ARHGAP28: variants seen among roughly 807,000 people sequenced by gnomAD.
ARHGAP28 encodes Rho GTPase activating protein 28, also known as rho GTPase-activating protein 28.
In ARHGAP28, 56 loss-of-function variants were observed where a neutral mutation model predicts 90.7. The ratio of observed to expected loss-of-function variants is 0.62; its 90% CI spans 0.50 to 0.77. The LOEUF (loss-of-function observed/expected upper bound fraction) is 0.77, where lower values mean the gene tolerates loss of function less well. Ranked by LOEUF, ARHGAP28 falls within the 30% of genes least tolerant of loss-of-function variation. The pLI, the probability that ARHGAP28 is intolerant of heterozygous loss-of-function variation, is 0.00. For missense variants in ARHGAP28, 869 were observed against 900.9 expected, an observed-to-expected ratio of 0.96 and a Z score of 0.45; for synonymous variants, 308 against 323.3, an observed-to-expected ratio of 0.95 and a Z score of 0.51.
At chr18:6,900,847 C>G (rs2057334628) in intron 16 of ARHGAP28, among the ~76,000 whole-genome samples, 1 of 152,148 alleles carries the variant, frequency 6.6e-6, no homozygotes, top group African/African-American at 2.4e-5. Context: ...TAAACCAAAT[C>G]TAAACCAAAA....
intron 12 of ARHGAP28, 102 bp from the exon 13 acceptor site, chr18:6,889,786 C>G: frequency 9.2e-7 from 1 of 1,083,150 alleles, no homozygotes; most frequent in Non-Finnish European, 1.4e-6. Flanking sequence ...ATACTTCTGA[C>G]AGTTCTCTGG....
intron 1 of ARHGAP28, among the ~76,000 whole-genome samples, chr18:6,801,974 G>A (rs893120936): frequency 6.6e-6 from 1 of 151,970 alleles, no homozygotes; most frequent in Admixed American, 6.6e-5. Flanking sequence ...CGAGATTCAT[G>A]GTTTAATTCC....
At chr18:6,741,371 G>T (rs2055975884) in intron 1 of ARHGAP28, among the ~76,000 whole-genome samples, 1 of 152,172 alleles carries the variant, frequency 6.6e-6, no homozygotes, top group Non-Finnish European at 1.5e-5. Context: ...TCTGAATTGT[G>T]CTGAGTTGCA....
intron 2 of ARHGAP28, among the ~76,000 whole-genome samples, chr18:6,827,876 G>A (rs1428671263): frequency 6.0e-5 from 9 of 151,146 alleles, no homozygotes; most frequent in African/African-American, 9.7e-5. Context: ...ATGGGCGGCC[G>A]GGAAGAGGCG....
In ARHGAP28 at chr18:6,887,229, A is replaced by T. The variant is rs760753313; in HGVS notation, c.1526A>T (p.Asp509Val). 6.2e-7 allele frequency: 1 copy of T among 1,614,064 alleles called. No homozygotes were observed. ...MVMALPDANR[D>V]AAQALMTFFN... ...ATGGCGCTGCCTGATGCCAACAGAG[A>T]TGCAGCTCAGGTACGTCGTGTCCAC... The change falls in exon 12 of 18, where the codon GAT becomes GTT. Residue 509 changes from aspartate (D) to valine (V), a missense_variant. Asp to Val is a radical substitution (Grantham distance 152). Coordinates refer to ENST00000383472, the MANE Select transcript of ARHGAP28 (RefSeq NM_001366230.1).
At chr18:6,857,042 T>C (rs559679717) in intron 4 of ARHGAP28, among the ~76,000 whole-genome samples, 1 of 152,336 alleles carries the variant, frequency 6.6e-6, no homozygotes, top group South Asian at 2.1e-4. Flanking sequence ...TTACAAATAA[T>C]GCTGCCCAGA....
At chr18:6,755,858 A>G (rs2056104942) in intron 1 of ARHGAP28, among the ~76,000 whole-genome samples, 1 of 152,238 alleles carries the variant, frequency 6.6e-6, no homozygotes, top group Non-Finnish European at 1.5e-5. Context: ...AATTAAATCA[A>G]TATATAGGTC....
At chr18:6,751,915 T>A (rs2143262706) in intron 1 of ARHGAP28, among the ~76,000 whole-genome samples, 1 of 152,248 alleles carries the variant, frequency 6.6e-6, no homozygotes, top group African/African-American at 2.4e-5. Context: ...TTTTCTATTA[T>A]AAGAAATAGC....
chr18:6,867,014 A>T (rs2057042847), intron 5 of ARHGAP28, among the ~76,000 whole-genome samples: 1 of 152,216 alleles, frequency 6.6e-6, no homozygotes, highest in Non-Finnish European at 1.5e-5. Flanking sequence ...CCGTATTGTT[A>T]CTTGTAGAGC....
intron 1 of ARHGAP28, chr18:6,730,216 C>CATATATAT (rs1555621909): frequency 9.5e-6 from 1 of 105,594 alleles, no homozygotes; most frequent in African/African-American, 5.9e-5. Context: ...GAGGATAAGT[C>CATATATAT]ATGTGTATAT....
chr18:6,869,848 C>G (rs2057069410), intron 6 of ARHGAP28, among the ~76,000 whole-genome samples: 2 of 152,130 alleles, frequency 1.3e-5, no homozygotes, highest in South Asian at 4.1e-4. Flanking sequence ...AACCAGATGA[C>G]AAGCTGAAAT....
intron 2 of ARHGAP28, chr18:6,836,169 T>C (rs539768358): frequency 1.8e-4 from 28 of 152,316 alleles, no homozygotes; most frequent in African/African-American, 6.3e-4. Flanking sequence ...TCAGGTGTGT[T>C]GGCCAGGTGA....
rs201470830 is a variant in ARHGAP28 at position 6,870,874 on chromosome 18, C to T, written c.954+142C>T. Reference sequence around the variant, plus strand: ...GGAGTGCAGTGGCGCGATCTCGGCTCACTGCAAGCTCTGCCTCCCGGGTTC... The same window carrying T: ...GGAGTGCAGTGGCGCGATCTCGGCTTACTGCAAGCTCTGCCTCCCGGGTTC... On this transcript the variant is annotated intron_variant, in intron 7 of 17. Transcript: ENST00000383472. 7.8e-3 allele frequency: 6,480 copies of T among 831,438 alleles called. 336 individuals are homozygous for T. In the East Asian group the frequency reaches 0.13, roughly 17 times the overall value. 51.5% of individuals were successfully genotyped at this position (831,438 alleles called of 1,614,324 possible). A position where few individuals can be genotyped will look rare whatever the true frequency, so the allele number is the denominator to read the frequency against.
chr18:6,840,661 C>T (rs2056800149), intron 3 of ARHGAP28, among the ~76,000 whole-genome samples: 1 of 152,108 alleles, frequency 6.6e-6, no homozygotes, highest in Non-Finnish European at 1.5e-5. Context: ...CTTCCGTCTG[C>T]CTTCCTCTCT....
At chr18:6,888,386 A>C (rs4798508) in intron 12 of ARHGAP28, among the ~76,000 whole-genome samples, 84,978 of 151,938 alleles carry the variant, frequency 0.56, 23,865 homozygotes, top group East Asian at 0.63. Context: ...GCCAGTAAAC[A>C]TAATGCTGAA....
At chr18:6,832,855 T>C (rs1200409540) in intron 2 of ARHGAP28, among the ~76,000 whole-genome samples, 1 of 152,078 alleles carries the variant, frequency 6.6e-6, no homozygotes, top group East Asian at 1.9e-4. Flanking sequence ...ATTGCTTTAA[T>C]TGGTGGTGTT....
At chr18:6,863,127 C>T (rs1237768287) in intron 5 of ARHGAP28, among the ~76,000 whole-genome samples, 2 of 151,814 alleles carry the variant, frequency 1.3e-5, no homozygotes, top group East Asian at 3.9e-4. Context: ...TCATTGTTTT[C>T]CCTTAGAGGA....
intron 4 of ARHGAP28, among the ~76,000 whole-genome samples, chr18:6,854,488 A>T (rs927436869): frequency 3.3e-5 from 5 of 152,000 alleles, no homozygotes; most frequent in Admixed American, 6.5e-5. Context: ...ATTTTCTTCT[A>T]TTATGTCTTA....
At chr18:6,846,366 A>C (rs145260785) in intron 3 of ARHGAP28, among the ~76,000 whole-genome samples, 202 of 152,152 alleles carry the variant, frequency 1.3e-3, no homozygotes, top group Non-Finnish European at 2.4e-3. Flanking sequence ...GGGGCACTCT[A>C]TCTGGAAGCA....
Sources: gnomAD v4.1 joint callset for allele counts (sites outside exome capture counted in the v4.1 genomes callset) on GRCh38, gnomAD v4.1.1 for gene constraint, MANE v1.5 for transcripts, NCBI Gene and HGNC (gene_info 2026-07-23, HGNC 2026-07-21) for gene names.